LRRIQ3: variants seen among roughly 807,000 people sequenced by gnomAD.
The protein encoded by LRRIQ3 is leucine rich repeats and IQ motif containing 3, also known as leucine-rich repeat and IQ domain-containing protein 3.
A neutral mutation model predicts 59.3 loss-of-function variants in LRRIQ3; 75 were observed. The observed-to-expected ratio is 1.26, with a 90% CI of 1.05 to 1.53. The LOEUF (loss-of-function observed/expected upper bound fraction) is 1.53, where lower values mean the gene tolerates loss of function less well. Ranked by LOEUF, LRRIQ3 falls within the 40% of genes most tolerant of loss-of-function variation. LRRIQ3 has a pLI of 0.00. For synonymous variants in LRRIQ3, 250 were observed against 231.3 expected (o/e 1.08, Z -0.73); for missense variants, 831 against 710.0 (o/e 1.17, Z -1.94).
chr1:74,102,897 G>A (rs2100546571), intron 5 of LRRIQ3, among the ~76,000 whole-genome samples: 1 of 152,028 alleles, frequency 6.6e-6, no homozygotes, highest in South Asian at 2.1e-4. Flanking sequence ...ATGGAGCTAG[G>A]TATAATAAAT....
At chr1:74,073,610 TAA>T (rs753297722) in intron 6 of LRRIQ3, among the ~76,000 whole-genome samples, 60 of 46,668 alleles carry the variant, frequency 1.3e-3, no homozygotes, top group African/African-American at 1.9e-3. Context: ...GTCCATTCTT[TAA>T]AAAAAAAAAA....
At chr1:74,125,654 T>C (rs1646924821) in intron 4 of LRRIQ3, among the ~76,000 whole-genome samples, 1 of 151,978 alleles carries the variant, frequency 6.6e-6, no homozygotes, top group Non-Finnish European at 1.5e-5. Context: ...TGCACCACAT[T>C]GATTGATTTA....
chr1:74,118,178 C>T (rs1348010866), intron 4 of LRRIQ3, among the ~76,000 whole-genome samples: 3 of 151,428 alleles, frequency 2.0e-5, no homozygotes, highest in Non-Finnish European at 4.4e-5. Flanking sequence ...AAATTGTATA[C>T]ACACACACAC....
At chr1:74,054,837 ATG>A (rs1227682282) in intron 6 of LRRIQ3, among the ~76,000 whole-genome samples, 1 of 147,700 alleles carries the variant, frequency 6.8e-6, no homozygotes, top group Non-Finnish European at 1.5e-5. Flanking sequence ...TTTTTAATGC[ATG>A]TGTATATATG....
At position 74,102,073 on chromosome 1, in the gene LRRIQ3, G is replaced by T. The variant is rs552852876; in HGVS notation, c.867+7321C>A. On this transcript the variant is annotated intron_variant, in intron 5 of 7. Coordinates refer to ENST00000354431, the MANE Select transcript of LRRIQ3 (RefSeq NM_001105659.2). Reference sequence around the variant, plus strand: ...TAAAGTATAATTAAAAAAAAAAAAAGAAAATTCTCAAGTTTGTAAGAGTGC... The same window carrying T: ...TAAAGTATAATTAAAAAAAAAAAAATAAAATTCTCAAGTTTGTAAGAGTGC... Among the ~76,000 whole-genome samples, 142 of 145,466 alleles carry T rather than the reference G, an allele frequency of 9.8e-4. 1 individual carries two copies. The highest frequency in any genetic ancestry group is 3.3e-3 in the African/African-American group (131 of 39,422).
At chr1:74,196,221 CTA>C (rs1232733022) in intron 1 of LRRIQ3, among the ~76,000 whole-genome samples, 1 of 152,086 alleles carries the variant, frequency 6.6e-6, no homozygotes, top group East Asian at 1.9e-4. Context: ...AATAAATACT[CTA>C]TTTAATATTC....
intron 6 of LRRIQ3, 122 bp from the exon 7 acceptor site, chr1:74,042,055 C>T: frequency 4.1e-6 from 4 of 985,412 alleles, no homozygotes; most frequent in Non-Finnish European, 5.4e-6. Context: ...AAGAATTTTT[C>T]CCAAGTACCT....
At chr1:74,168,061 T>G (rs76488840) in intron 3 of LRRIQ3, among the ~76,000 whole-genome samples, 51 of 152,156 alleles carry the variant, frequency 3.4e-4, no homozygotes, top group African/African-American at 1.2e-3. Flanking sequence ...TATTTTGCTG[T>G]TGTTGGGTGG....
chr1:74,150,132 C>G (rs1472730112), intron 4 of LRRIQ3, among the ~76,000 whole-genome samples: 1 of 152,168 alleles, frequency 6.6e-6, no homozygotes, highest in African/African-American at 2.4e-5. Context: ...AGCATAAAAT[C>G]AGATGTAAAG....
intron 3 of LRRIQ3, chr1:74,180,799 A>G (rs1331074026): frequency 1.3e-6 from 2 of 1,549,098 alleles, no homozygotes; most frequent in Non-Finnish European, 1.7e-6. Flanking sequence ...ACATTTTTCC[A>G]CATCCAAGGA....
At chr1:74,033,574 T>C (rs1350341710) in intron 7 of LRRIQ3, among the ~76,000 whole-genome samples, 3 of 151,962 alleles carry the variant, frequency 2.0e-5, no homozygotes, top group East Asian at 1.9e-4. Context: ...AGGATCTTTG[T>C]ATGTGTCTAT....
intron 7 of LRRIQ3, among the ~76,000 whole-genome samples, chr1:74,027,316 A>G (rs1251302527): frequency 6.6e-6 from 1 of 152,108 alleles, no homozygotes; most frequent in Non-Finnish European, 1.5e-5. Context: ...ATTCCACCAT[A>G]TTCATATGTC....
chr1:74,153,685 C>A (rs1161356206), intron 4 of LRRIQ3, among the ~76,000 whole-genome samples: 1 of 152,068 alleles, frequency 6.6e-6, no homozygotes, highest in Non-Finnish European at 1.5e-5. Context: ...ATATAGGTAA[C>A]TATAGAGACG....
intron 7 of LRRIQ3, among the ~76,000 whole-genome samples, chr1:74,038,200 G>C (rs1440418711): frequency 6.6e-6 from 1 of 152,168 alleles, no homozygotes; most frequent in Non-Finnish European, 1.5e-5. Flanking sequence ...GCAGACTGCA[G>C]CCAGAATGCC....
chr1:74,152,840 C>G (rs1397721555), intron 4 of LRRIQ3, among the ~76,000 whole-genome samples: 2 of 152,072 alleles, frequency 1.3e-5, no homozygotes, highest in Non-Finnish European at 2.9e-5. Flanking sequence ...AATACCGGAA[C>G]CTGATATTTA....
In LRRIQ3 at chr1:74,121,430, C is replaced by T. The variant is rs550461575; in HGVS notation, c.708-11877G>A. Among the ~76,000 whole-genome samples, 7 of 152,246 alleles carry T rather than the reference C, an allele frequency of 4.6e-5. No homozygotes were observed. The South Asian group carries it at 1.0e-3, about 23-fold the overall frequency. ...GGCTGCCCTAGGCTTGCGCTGACTGCTGAACCATAACCCCTTATGGGCAAG... is the reference window on the plus strand; with the variant it reads ...GGCTGCCCTAGGCTTGCGCTGACTGTTGAACCATAACCCCTTATGGGCAAG... On this transcript the variant is annotated intron_variant, in intron 4 of 7. Coordinates refer to ENST00000354431, the MANE Select transcript of LRRIQ3 (RefSeq NM_001105659.2).
chr1:74,039,242 C>T (rs1235926532), intron 7 of LRRIQ3, among the ~76,000 whole-genome samples: 1 of 151,972 alleles, frequency 6.6e-6, no homozygotes, highest in African/African-American at 2.4e-5. Flanking sequence ...TTGAAGACTA[C>T]CTTGCTGAAA....
chr1:74,088,942 A>G (rs113412804), intron 5 of LRRIQ3, among the ~76,000 whole-genome samples: 3,297 of 152,172 alleles, frequency 0.022, 116 homozygotes, highest in African/African-American at 0.075. Context: ...TATCAAGAAT[A>G]TGTAAAGAAT....
chr1:74,053,413 C>CA (rs1654430942), intron 6 of LRRIQ3, among the ~76,000 whole-genome samples: 1 of 151,910 alleles, frequency 6.6e-6, no homozygotes, highest in Non-Finnish European at 1.5e-5. Context: ...TTCTGCCCTG[C>CA]AAAAGAGACT....
Sources: gnomAD v4.1 joint callset for allele counts (sites outside exome capture counted in the v4.1 genomes callset) on GRCh38, gnomAD v4.1.1 for gene constraint, MANE v1.5 for transcripts, NCBI Gene and HGNC (gene_info 2026-07-23, HGNC 2026-07-21) for gene names.